Variants in CCDC149 observed in about 807,000 individuals in gnomAD.
CCDC149 encodes the protein coiled-coil domain containing 149, also known as coiled-coil domain-containing protein 149.
In CCDC149, 45 loss-of-function variants were observed where a neutral mutation model predicts 59.9. The observed-to-expected ratio is 0.75, with a 90% confidence interval of 0.59 to 0.96. The LOEUF (loss-of-function observed/expected upper bound fraction) is 0.96. Ranked by LOEUF, CCDC149 falls within the 40% of genes least tolerant of loss-of-function variation. CCDC149 has a pLI of 0.00. For missense variants in CCDC149, 584 were observed against 664.7 expected (o/e 0.88, Z 1.33); for synonymous variants, 245 against 260.6 (o/e 0.94, Z 0.58).
intron 3 of CCDC149, among the ~76,000 whole-genome samples, chr4:24,867,810 T>A (rs1560226582): frequency 6.6e-6 from 1 of 152,214 alleles, no homozygotes; most frequent in East Asian, 1.9e-4. Flanking sequence ...AATCTTTCCT[T>A]CTGAAACAAA....
In CCDC149 at chr4:24,807,435, G is replaced by T. The variant is rs1274884842; in HGVS notation, c.*954C>A. On this transcript the variant is annotated 3_prime_UTR_variant, in exon 13 of 13. Transcript: ENST00000635206. The stretch of plus-strand genomic sequence containing the variant: ...CGTACTTGGTGGCACAAATGAGGCA[G>T]CCTCAACATTCTGTTGAAGGAGTGA... The T allele has an allele frequency of 2.0e-5, 3 of 152,186 alleles. No individual in the cohort carries two copies. Among genetic ancestry groups the T allele is most frequent in the Non-Finnish European group, 4.4e-5 (3 of 68,044 alleles). The allele number at this position is 152,186 out of a possible 1,614,324, so 9.4% of individuals were successfully genotyped here. A position where few individuals can be genotyped will look rare whatever the true frequency, so the allele number is the denominator to read the frequency against.
At chr4:24,841,525 A>G (rs1406506295) in intron 4 of CCDC149, among the ~76,000 whole-genome samples, 1 of 152,220 alleles carries the variant, frequency 6.6e-6, no homozygotes, top group Non-Finnish European at 1.5e-5. Context: ...ACTTATTTTT[A>G]AAAGTGAGGC....
At chr4:24,829,910 G>A (rs1050217788) in intron 9 of CCDC149, 15 of 152,390 alleles carry the variant, frequency 9.8e-5, no homozygotes, top group Admixed American at 9.2e-4. Flanking sequence ...GTATTTTTGG[G>A]AAGGCAGCAG....
chr4:24,958,615 G>T (rs1302876736), intron 1 of CCDC149, among the ~76,000 whole-genome samples: 1 of 152,004 alleles, frequency 6.6e-6, no homozygotes, highest in Non-Finnish European at 1.5e-5. Flanking sequence ...AACTTCCAGA[G>T]ATTAAAACTA....
chr4:24,853,918 T>C (rs16876222), intron 3 of CCDC149, among the ~76,000 whole-genome samples: 29,635 of 152,004 alleles, frequency 0.19, 3,090 homozygotes, highest in African/African-American at 0.24. Context: ...CTACCTCACA[T>C]AGTACTAAAT....
chr4:24,941,896 A>C (rs1023099947), intron 1 of CCDC149, among the ~76,000 whole-genome samples: 11 of 152,242 alleles, frequency 7.2e-5, no homozygotes, highest in Non-Finnish European at 1.3e-4. Flanking sequence ...AAATTGAGGC[A>C]ATAATTAATA....
intron 3 of CCDC149, among the ~76,000 whole-genome samples, chr4:24,866,888 A>C (rs1290607359): frequency 6.6e-6 from 1 of 151,804 alleles, no homozygotes; most frequent in Non-Finnish European, 1.5e-5. Context: ...CTGGCTTAGC[A>C]GGTAAAAATT....
intron 4 of CCDC149, among the ~76,000 whole-genome samples, chr4:24,841,880 T>G (rs1486952857): frequency 6.6e-6 from 1 of 152,028 alleles, no homozygotes; most frequent in Admixed American, 6.5e-5. Flanking sequence ...TATATATGAG[T>G]CTGGGGATTA....
At chr4:24,911,666 C>T (rs1013259450) in intron 1 of CCDC149, among the ~76,000 whole-genome samples, 98 of 152,328 alleles carry the variant, frequency 6.4e-4, no homozygotes, top group African/African-American at 2.3e-3. Context: ...GAGCTTTCAA[C>T]TACTAGACCA....
At chr4:24,962,901 T>A (rs1723679444) in intron 1 of CCDC149, among the ~76,000 whole-genome samples, 1 of 134,214 alleles carries the variant, frequency 7.5e-6, no homozygotes, top group Non-Finnish European at 1.6e-5. Context: ...TAAAATAAAT[T>A]AAAAATAAAT....
At position 24,965,812 on chromosome 4, in the gene CCDC149, C is replaced by T. The variant is rs190269601; in HGVS notation, c.-65+14257G>A. ...CGCTCTAGTCAGGAGTAGGCCGAAG[C>T]GGCCTTCTGACACAGCATGACTCAG... On this transcript the variant is annotated intron_variant, in intron 1 of 12. Transcript: ENST00000389609. 1.1e-4 allele frequency among the ~76,000 whole-genome samples: 17 copies of T among 152,334 alleles called. 1 individual carries two copies. In the East Asian group the frequency reaches 1.3e-3, roughly 12 times the overall value.
intron 12 of CCDC149, among the ~76,000 whole-genome samples, chr4:24,811,880 A>C (rs1466168630): frequency 6.6e-6 from 1 of 152,136 alleles, no homozygotes; most frequent in South Asian, 2.1e-4. Context: ...CTCAAAAAAA[A>C]AAAAAAAAAA....
intron 12 of CCDC149, 26 bp from the exon 13 acceptor site, chr4:24,808,845 AAACC>A: frequency 6.6e-7 from 1 of 1,520,614 alleles, no homozygotes. Context: ...GGACAACATT[AAACC>A]TCTGGCAGCA....
Position 24,831,603 on chromosome 4 carries a change from G to C in CCDC149, c.868C>G (p.Pro290Ala), listed in dbSNP as rs904382671. The C allele has an allele frequency of 9.3e-6, 15 of 1,613,992 alleles. No individual in the cohort carries two copies. The highest frequency in any genetic ancestry group is 1.3e-5 in the African/African-American group (1 of 74,908). ...GATTTCAGGTCAGAAATGGACTGCG[G>C]AGTAGCTGGGAGGCTGCATCCATGA... Residue 290 changes from proline (P) to alanine (A), a missense_variant, in exon 9 of 13, where the codon CCG becomes GCG. Coordinates refer to ENST00000635206, the MANE Select transcript of CCDC149 (RefSeq NM_001330643.2).
chr4:24,819,961 T>C lies in CCDC149; in HGVS notation c.1090A>G (p.Ile364Val). ...GGAAGAGTGGGGTCGCTGAACAGTA[T>C]GGTGTCCTTGCCCCCTGTTGCAGAA... Residue 364 changes from isoleucine (I) to valine (V), a missense_variant, in exon 12 of 13, where the codon ATA (isoleucine) becomes GTA (valine). Coordinates refer to ENST00000635206, the MANE Select transcript of CCDC149 (RefSeq NM_001330643.2). 6.5e-7 allele frequency: 1 copy of C among 1,550,168 alleles called. No individual in the cohort carries two copies. Among genetic ancestry groups the C allele is most frequent in the Non-Finnish European group, 8.7e-7 (1 of 1,146,204 alleles).
intron 1 of CCDC149, among the ~76,000 whole-genome samples, chr4:24,880,830 A>G (rs959108591): frequency 2.6e-5 from 4 of 152,226 alleles, no homozygotes; most frequent in African/African-American, 7.2e-5. Flanking sequence ...TGGGAAAGCC[A>G]TAATACAAAA....
At chr4:24,936,003 G>A (rs565332346) in intron 1 of CCDC149, among the ~76,000 whole-genome samples, 1 of 152,242 alleles carries the variant, frequency 6.6e-6, no homozygotes, top group South Asian at 2.1e-4. Context: ...AGGAGGCCAT[G>A]GAAAGTGGAT....
chr4:24,866,098 G>A (rs573159536), intron 3 of CCDC149, among the ~76,000 whole-genome samples: 1 of 152,268 alleles, frequency 6.6e-6, no homozygotes, highest in South Asian at 2.1e-4. Context: ...GCAGTCACAG[G>A]AGACTAAAAT....
At chr4:24,974,830 A>G (rs1347384433) in intron 1 of CCDC149, among the ~76,000 whole-genome samples, 1 of 150,112 alleles carries the variant, frequency 6.7e-6, no homozygotes, top group Non-Finnish European at 1.5e-5. Flanking sequence ...ACTGGGAAAA[A>G]GGTGAGCAGA....
Sources: gnomAD v4.1 joint callset for allele counts (sites outside exome capture counted in the v4.1 genomes callset) on GRCh38, gnomAD v4.1.1 for gene constraint, MANE v1.5 for transcripts, NCBI Gene and HGNC (gene_info 2026-07-23, HGNC 2026-07-21) for gene names.